The following MUC4 variants were observed in gnomAD, a reference collection of about 807,000 sequenced individuals.
The protein encoded by MUC4 is mucin-4.
In MUC4, 202 loss-of-function variants were observed where a neutral mutation model predicts 257.9. That is an observed-to-expected ratio of 0.78 (90% CI 0.70 to 0.88). MUC4 has a LOEUF of 0.88. MUC4 is among the 40% of genes least tolerant of loss of function. The pLI is 0.00. For missense variants in MUC4, 5,976 were observed against 6,513.7 expected (o/e 0.92, Z 2.84); for synonymous variants, 2,351 against 2,757.1 (o/e 0.85, Z 4.62).
In MUC4 at chr3:195,781,597, G is replaced by C. The variant is rs1465655754; in HGVS notation, c.9983C>G (p.Pro3328Arg). The change falls in exon 2 of 25, where the codon CCT becomes CGT. Residue 3328 changes from proline to arginine, a missense_variant. By Grantham distance (103) the Pro-to-Arg change is moderately radical. Coordinates refer to ENST00000463781, the MANE Select transcript of MUC4 (RefSeq NM_018406.7). ...ASSASTGHAT[P>R]LHVTSPSSAS... ...TGAGGAAGGGCTGGTGACATGAAGA[G>C]GGGTGGCGTGACCTGTGGATGCTGA... 8.6e-6 allele frequency: 5 copies of C among 578,262 alleles called. No homozygotes were observed. Among genetic ancestry groups the C allele is most frequent in the East Asian group, 1.2e-4 (1 of 8,226 alleles). 35.8% of individuals were successfully genotyped at this position (578,262 alleles called of 1,614,324 possible).
In MUC4 at chr3:195,749,021, G is replaced by A. The variant is rs1434722435; in HGVS notation, c.15915C>T (p.Tyr5305=). ...GGCTGTAGACCAGGTCGTAGCCCTT[G>A]TAGCCATCGCATCTGAAGTAAGCCT... ...TLKAYFRCDG[Y]KGYDLVYSPQ... Residue 5305 remains tyrosine, a synonymous_variant, in exon 24 of 25, where the codon TAC becomes TAT. Transcript: ENST00000463781. The A allele has an allele frequency of 1.2e-6, 2 of 1,609,412 alleles. No homozygotes were observed. The highest frequency in any genetic ancestry group is 2.2e-5 in the South Asian group (2 of 89,986).
Position 195,780,402 on chromosome 3 carries a change from G to T in MUC4, c.11178C>A (p.Val3726=), listed in dbSNP as rs1560309628. ...AAGGGCTGGTGACATGAAGAGGGGT[G>T]ACGTGACCTGTAGATACTGAGGAAG... The part of the protein sequence containing the change: ...TSTSSVSTGH[V]TPLHVTSPSS... The change falls in exon 2 of 25, where the codon GTC becomes GTA. Residue 3726 remains valine (V), a synonymous_variant. Coordinates refer to ENST00000463781, the MANE Select transcript of MUC4 (RefSeq NM_018406.7). 2.0e-6 allele frequency: 3 copies of T among 1,530,448 alleles called. No individual in the cohort carries two copies. Among genetic ancestry groups the T allele is most frequent in the Non-Finnish European group, 2.6e-6 (3 of 1,140,824 alleles). 94.8% of individuals were successfully genotyped at this position (1,530,448 alleles called of 1,614,324 possible). A position where few individuals can be genotyped will look rare whatever the true frequency, so the allele number is the denominator to read the frequency against.
In MUC4 at chr3:195,761,569, A is replaced by G; in HGVS notation, c.14529T>C (p.Asn4843=). 1.2e-6 allele frequency: 2 copies of G among 1,613,914 alleles called. No individual in the cohort carries two copies. Among genetic ancestry groups the G allele is most frequent in the Non-Finnish European group, 8.5e-7 (1 of 1,179,912 alleles). Residue 4843 remains asparagine (N), a synonymous_variant, in exon 15 of 25, where the codon AAT becomes AAC. Coordinates refer to ENST00000463781, the MANE Select transcript of MUC4 (RefSeq NM_018406.7). ...TGGGCATCCTGAAGTCGTCCTCTGG[A>G]TTGTTATTCCAGACCCCTGAGGGAC... is the stretch of plus-strand genomic sequence containing the variant. ...TEGLLGVWNN[N]PEDDFRMPNG...
At chr3:195,748,400 CTAA>C (rs1715591707) in intron 24 of MUC4, among the ~76,000 whole-genome samples, 1 of 152,260 alleles carries the variant, frequency 6.6e-6, no homozygotes, top group Non-Finnish European at 1.5e-5. Flanking sequence ...CCCGTCTCTA[CTAA>C]AAATGCAAAA....
chr3:195,765,390 C>G lies in MUC4; in HGVS notation c.13678G>C (p.Glu4560Gln), dbSNP rs777529013. ...TGGCTCTTCAGCCACTGCAGGCACT[C>G]GAGACGGTAGTTGGGCCTTTCTTCC... Reference protein sequence around the residue: ...HREERPNYRLECLQWLKSQPR... With the variant: ...HREERPNYRLQCLQWLKSQPR... The change falls in exon 9 of 25, where the codon GAG becomes CAG. Residue 4560 changes from glutamate to glutamine, a missense_variant. Physicochemically the swap from Glu to Gln is conservative, Grantham distance 29 (BLOSUM62 2). Coordinates refer to ENST00000463781, the MANE Select transcript of MUC4 (RefSeq NM_018406.7). The G allele has an allele frequency of 2.0e-5, 33 of 1,613,406 alleles. No individual in the cohort carries two copies. Among genetic ancestry groups the G allele is most frequent in the Non-Finnish European group, 2.6e-5 (31 of 1,180,032 alleles).
Position 195,757,413 on chromosome 3 carries a change from CCT to C in MUC4, c.14987-87_14987-86del. 7.9e-7 allele frequency: 1 copy of C among 1,272,722 alleles called. No individual in the cohort carries two copies. Among genetic ancestry groups the C allele is most frequent in the Non-Finnish European group, 1.1e-6 (1 of 919,312 alleles). The allele number at this position is 1,272,722 out of a possible 1,614,324, so 78.8% of individuals were successfully genotyped here. A position where few individuals can be genotyped will look rare whatever the true frequency, so the allele number is the denominator to read the frequency against. On this transcript the variant is annotated intron_variant, in intron 17 of 24. Transcript: ENST00000463781. The surrounding 1 kb of genome is among the most constrained non-coding windows in gnomAD (Gnocchi z 4.8). ...TTGCTGATACGGGGCTTCCCCCACC[CCT>C]CTCAGGCCACCCTCCCCCTCCCCAG... is the stretch of plus-strand genomic sequence containing the variant.
chr3:195,795,751 C>G (rs540755086), intron 1 of MUC4, among the ~76,000 whole-genome samples: 2 of 148,934 alleles, frequency 1.3e-5, no homozygotes, highest in African/African-American at 5.0e-5. Flanking sequence ...CAGACCAGAA[C>G]TCACTATAGA....
Position 195,784,518 on chromosome 3 carries a change from A to G in MUC4, c.7062T>C (p.His2354=), listed in dbSNP as rs764591960. ...SASTGHATPL[H]VTDASSVSTG... ...TGGATACTGAGGAAGCGTCGGTGAC[A>G]TGAAGAGGGGTGGCGTGACCTGTGG... The change falls in exon 2 of 25, where the codon CAT becomes CAC. Residue 2354 remains histidine (H), a synonymous_variant. Transcript: ENST00000463781. The G allele has an allele frequency of 6.5e-6, 10 of 1,539,128 alleles. 1 individual carries two copies. Among genetic ancestry groups the G allele is most frequent in the Non-Finnish European group, 8.8e-6 (10 of 1,141,628 alleles).
chr3:195,760,509 A>C, intron 16 of MUC4, among the ~76,000 whole-genome samples: 1 of 28,096 alleles, frequency 3.6e-5, no homozygotes, highest in Admixed American at 2.9e-4. Context: ...CTGGGAAGGC[A>C]TCCAGCGCTA....
Position 195,781,159 on chromosome 3 carries a change from G to C in MUC4, c.10421C>G (p.Pro3474Arg). The change falls in exon 2 of 25, where the codon CCT becomes CGT. Residue 3474 changes from proline (P) to arginine (R), a missense_variant. By Grantham distance (103) the Pro-to-Arg change is moderately radical. Transcript: ENST00000463781. ...SASTGDTTPL[P>R]VTSPSSASTG... The stretch of plus-strand genomic sequence containing the variant: ...AGATGCTGAGGAAGGGCTGGTGACA[G>C]GAAGAGGGGTGGTGTCACCTGTGGA... 2 of 1,471,706 alleles carry C rather than the reference G, an allele frequency of 1.4e-6. No homozygotes were observed. Among genetic ancestry groups the C allele is most frequent in the Non-Finnish European group, 1.8e-6 (2 of 1,102,698 alleles). The allele number at this position is 1,471,706 out of a possible 1,614,324, so 91.2% of individuals were successfully genotyped here. A position where few individuals can be genotyped will look rare whatever the true frequency, so the allele number is the denominator to read the frequency against.
chr3:195,801,158 G>A (rs1735254816), intron 1 of MUC4, among the ~76,000 whole-genome samples: 1 of 152,140 alleles, frequency 6.6e-6, no homozygotes, highest in African/African-American at 2.4e-5. Context: ...TCAAGTGTTG[G>A]CCAGAATGAA....
intron 1 of MUC4, among the ~76,000 whole-genome samples, chr3:195,798,235 A>C (rs1222874915): frequency 1.3e-5 from 2 of 152,230 alleles, no homozygotes; most frequent in Admixed American, 1.3e-4. Flanking sequence ...AAATAAATCT[A>C]ACAAAAGATG....
chr3:195,782,121 A>T lies in MUC4; in HGVS notation c.9459T>A (p.Leu3153=), dbSNP rs1728429238. The change falls in exon 2 of 25, where the codon CTT becomes CTA. Residue 3153 remains leucine (L), a synonymous_variant. Coordinates refer to ENST00000463781, the MANE Select transcript of MUC4 (RefSeq NM_018406.7). ...ATGCTGAGGAAGTGTCGGTGACAGG[A>T]AGAGGGGTGGTGTCACCTGTGGATG... ...SSASTGDTTP[L]PVTDTSSAST... 7 of 1,366,300 alleles carry T rather than the reference A, an allele frequency of 5.1e-6. No individual in the cohort carries two copies. The highest frequency in any genetic ancestry group is 6.7e-6 in the Non-Finnish European group (7 of 1,037,780). 84.6% of individuals were successfully genotyped at this position (1,366,300 alleles called of 1,614,324 possible).
At position 195,767,651 on chromosome 3, in the gene MUC4, C is replaced by CCATCACCACCAT. The variant is rs1560262999; in HGVS notation, c.13530-901_13530-900insATGGTGGTGATG. Reference sequence around the variant, plus strand: ...ACCATCACCACCACCATCGCCACCACCACCACCACCACCATCACCATCACC... The same window carrying CCATCACCACCAT: ...ACCATCACCACCACCATCGCCACCACCATCACCACCATCACCACCACCACCATCACCATCACC... On this transcript the variant is annotated intron_variant, in intron 7 of 24. Coordinates refer to ENST00000463781, the MANE Select transcript of MUC4 (RefSeq NM_018406.7). 2.1e-5 allele frequency among the ~76,000 whole-genome samples: 2 copies of CCATCACCACCAT among 93,774 alleles called. 1 individual carries two copies. The highest frequency in any genetic ancestry group is 1.5e-4 in the African/African-American group (2 of 13,536). The allele number at this position is 93,774 out of a possible 152,430, so 61.5% of individuals were successfully genotyped here. A position where few individuals can be genotyped will look rare whatever the true frequency, so the allele number is the denominator to read the frequency against.
rs71180950 is a variant in MUC4, at chr3:195,746,885, CGTGTGT to C, written c.*285_*290del. 70,263 of 483,554 alleles carry C rather than the reference CGTGTGT, an allele frequency of 0.15. 5,700 individuals carry two copies. Among genetic ancestry groups the C allele is most frequent in the Non-Finnish European group, 0.17 (47,620 of 273,700 alleles). 30.0% of individuals were successfully genotyped at this position (483,554 alleles called of 1,614,324 possible). The stretch of plus-strand genomic sequence containing the variant: ...TAGGGCCATCACCACATTATGAACT[CGTGTGT>C]GTGTGTGTGTGTGTGCACGCGCGCG... On this transcript the variant is annotated 3_prime_UTR_variant, in exon 25 of 25. Coordinates refer to ENST00000463781, the MANE Select transcript of MUC4 (RefSeq NM_018406.7).
At chr3:195,770,546 T>C in intron 5 of MUC4, 175 bp from the exon 6 acceptor site, 3 of 690,390 alleles carry the variant, frequency 4.3e-6, no homozygotes, top group Non-Finnish European at 7.3e-6. Context: ...CAATTCAAAC[T>C]TGGGCTGCAG....
intron 4 of MUC4, among the ~76,000 whole-genome samples, chr3:195,773,347 C>G (rs1294345640): frequency 1.4e-5 from 2 of 141,942 alleles, no homozygotes. Flanking sequence ...CCCCCTCCAT[C>G]GCTCAGGGGT....
intron 20 of MUC4, 53 bp downstream of exon 20, chr3:195,752,998 G>T: frequency 6.7e-7 from 1 of 1,491,980 alleles, no homozygotes; most frequent in Non-Finnish European, 9.1e-7. Context: ...GGGGGTGAGA[G>T]GGTGGGGCCC....
Position 195,782,887 on chromosome 3 carries a change from G to A in MUC4, c.8693C>T (p.Pro2898Leu). The change falls in exon 2 of 25, where the codon CCT (proline) becomes CTT (leucine). Residue 2898 changes from proline to leucine, a missense_variant. This residue lies in a region of MUC4 where 228 missense variants were observed against 206.3 expected (regional missense o/e 1.11). Transcript: ENST00000463781. ...SVSTGHATPL[P>L]LTSLSSVSTG... ...GGATACTGAGGAAAGGCTGGTGAGA[G>A]GAAGAGGGGTAGCGTGACCTGTGGA... The A allele has an allele frequency of 7.9e-6, 12 of 1,525,284 alleles. No homozygotes were observed. Among genetic ancestry groups the A allele is most frequent in the Non-Finnish European group, 1.1e-5 (12 of 1,129,492 alleles). The allele number at this position is 1,525,284 out of a possible 1,614,324, so 94.5% of individuals were successfully genotyped here. A position where few individuals can be genotyped will look rare whatever the true frequency, so the allele number is the denominator to read the frequency against.
Sources: gnomAD v4.1 joint callset for allele counts (sites outside exome capture counted in the v4.1 genomes callset) on GRCh38, gnomAD v4.1.1 for gene constraint, gnomAD v4.1.1 regional missense constraint, Gnocchi (gnomAD v3.1) non-coding constraint, MANE v1.5 for transcripts, NCBI Gene and HGNC (gene_info 2026-07-23, HGNC 2026-07-21) for gene names.